The following SEPTIN6 variants were observed in gnomAD, a reference collection of about 807,000 sequenced individuals.
The protein encoded by SEPTIN6 is septin 6.
In SEPTIN6, 8 loss-of-function variants were observed where a neutral mutation model predicts 33.6. The observed-to-expected ratio is 0.24, with a 90% CI of 0.14 to 0.43. The LOEUF is 0.43. Ranked by LOEUF, SEPTIN6 falls within the 20% of genes least tolerant of loss-of-function variation. The pLI is 1.00. For synonymous variants in SEPTIN6, 131 were observed against 140.0 expected, an observed-to-expected ratio of 0.94 and a Z score of 0.45; for missense variants, 250 against 340.8, an observed-to-expected ratio of 0.73 and a Z score of 2.10.
intron 3 of SEPTIN6, among the ~76,000 whole-genome samples, chrX:119,653,431 C>T (rs1235421172): frequency 2.7e-5 from 3 of 112,559 alleles, no homozygotes; most frequent in Non-Finnish European, 5.6e-5. Context: ...CAAGGATTCT[C>T]TCAAATAGAT....
At chrX:119,639,422 T>C (rs1314947436) in intron 6 of SEPTIN6, among the ~76,000 whole-genome samples, 2 of 112,448 alleles carry the variant, frequency 1.8e-5, no homozygotes, top group African/African-American at 3.2e-5. Context: ...AGTTAACATA[T>C]GTCAGGCAGA....
chrX:119,627,776 C>G (rs1000234685), intron 9 of SEPTIN6, among the ~76,000 whole-genome samples: 49 of 106,183 alleles, frequency 4.6e-4, no homozygotes, highest in Non-Finnish European at 7.8e-4. Context: ...CTTCCACTAT[C>G]CTGTATCTGC....
rs763923345 is a variant in SEPTIN6, at chrX:119,650,155, C to T, written c.529-57G>A. 1.7e-5 allele frequency: 19 copies of T among 1,135,759 alleles called. 1 individual carries two copies. The highest frequency in any genetic ancestry group is 2.3e-5 in the Non-Finnish European group (19 of 834,969). 93.6% of individuals were successfully genotyped at this position (1,135,759 alleles called of 1,213,427 possible). On this transcript the variant is annotated intron_variant, in intron 4 of 10. Transcript: ENST00000394610. ...GTTGGTAACCTGCAACTGATAGCAG[C>T]ATGACCTAGGACTTCCACCAGCTGC...
chrX:119,665,742 C>G (rs2054624197), intron 2 of SEPTIN6, among the ~76,000 whole-genome samples: 1 of 110,814 alleles, frequency 9.0e-6, no homozygotes, highest in Non-Finnish European at 1.9e-5. Flanking sequence ...CTGTATTTGA[C>G]CCCTCAGCCC....
rs1248315329 is a variant in SEPTIN6, at chrX:119,618,634, T to C, written c.*1459A>G. ...CGGAACTCAAAAAGAAGAAGTGAGC[T>C]TGAAGTACATGGCAGGATAGGGGTG... On this transcript the variant is annotated 3_prime_UTR_variant, in exon 11 of 11. Transcript: ENST00000394610. 9.1e-6 allele frequency: 10 copies of C among 1,102,548 alleles called. No homozygotes were observed. In the African/African-American group the frequency reaches 1.9e-4, roughly 21 times the overall value. The allele number at this position is 1,102,548 out of a possible 1,213,427, so 90.9% of individuals were successfully genotyped here. A position where few individuals can be genotyped will look rare whatever the true frequency, so the allele number is the denominator to read the frequency against.
At chrX:119,689,577 C>G (rs2055122498) in intron 1 of SEPTIN6, among the ~76,000 whole-genome samples, 1 of 111,714 alleles carries the variant, frequency 9.0e-6, no homozygotes, top group Non-Finnish European at 1.9e-5. Context: ...AGTGCCGCCT[C>G]CCAGGTTCAC....
At chrX:119,628,205 C>A (rs1288166199) in intron 9 of SEPTIN6, among the ~76,000 whole-genome samples, 1 of 109,771 alleles carries the variant, frequency 9.1e-6, no homozygotes, top group East Asian at 2.8e-4. Flanking sequence ...TTACTGTAAC[C>A]TACACCTCCC....
intron 3 of SEPTIN6, among the ~76,000 whole-genome samples, chrX:119,661,430 CA>C (rs748459071): frequency 6.6e-5 from 7 of 106,138 alleles, no homozygotes; most frequent in African/African-American, 2.2e-4. Flanking sequence ...GACTCCGTCT[CA>C]AAAAAAATAA....
intron 5 of SEPTIN6, among the ~76,000 whole-genome samples, chrX:119,645,109 T>C (rs1445068302): frequency 1.8e-5 from 2 of 108,189 alleles, no homozygotes; most frequent in Non-Finnish European, 3.8e-5. Flanking sequence ...GATGTCGCCA[T>C]GTTGGCCAGG....
chrX:119,667,716 C>T (rs952521562), intron 2 of SEPTIN6, among the ~76,000 whole-genome samples: 6 of 110,043 alleles, frequency 5.5e-5, no homozygotes, highest in Admixed American at 9.7e-5. Flanking sequence ...GGGAGGCACA[C>T]GTGACCTAAC....
At chrX:119,679,186 C>G (rs2054903531) in intron 1 of SEPTIN6, among the ~76,000 whole-genome samples, 1 of 111,307 alleles carries the variant, frequency 9.0e-6, no homozygotes, top group African/African-American at 3.3e-5. Context: ...AGGTGATCCA[C>G]CCACCTTGGC....
chrX:119,629,299 A>C lies in SEPTIN6; in HGVS notation c.1280+19T>G, dbSNP rs1250692289. On this transcript the variant is annotated intron_variant, in intron 9 of 10. Coordinates refer to ENST00000394610, the MANE Select transcript of SEPTIN6 (RefSeq NM_145799.4). ...AGGAGGAAAGAGAAGGCACCACCCC[A>C]GAGCAGCCTGCTACTTACTTTTTCT... The C allele has an allele frequency of 8.3e-7, 1 of 1,204,539 alleles. No individual in the cohort carries two copies. The highest frequency in any genetic ancestry group is 2.2e-5 in the Admixed American group (1 of 45,839).
chrX:119,657,109 C>T (rs1400194046), intron 3 of SEPTIN6, among the ~76,000 whole-genome samples: 1 of 105,753 alleles, frequency 9.5e-6, no homozygotes, highest in Non-Finnish European at 1.9e-5. Flanking sequence ...GTCCCAGCTA[C>T]TCGGGAGGCT....
intron 2 of SEPTIN6, among the ~76,000 whole-genome samples, chrX:119,664,992 C>A (rs998473739): frequency 1.8e-5 from 2 of 110,657 alleles, no homozygotes; most frequent in African/African-American, 6.6e-5. Flanking sequence ...AGGCTCCTGG[C>A]TTATCCTCCC....
chrX:119,634,883 C>T (rs1218088946), intron 7 of SEPTIN6, among the ~76,000 whole-genome samples: 2 of 109,361 alleles, frequency 1.8e-5, no homozygotes, highest in Admixed American at 9.8e-5. Context: ...GTGGTGGGCG[C>T]CTGTAATCCC....
At chrX:119,620,115 AGTC>A in intron 10 of SEPTIN6, 64 bp from the exon 11 acceptor site, 2 of 744,674 alleles carry the variant, frequency 2.7e-6, no homozygotes, top group Non-Finnish European at 4.0e-6. Context: ...AAAAAAAAAA[AGTC>A]AGAAGAAAAT....
At chrX:119,650,607 T>C (rs1312660381) in intron 4 of SEPTIN6, among the ~76,000 whole-genome samples, 3 of 111,142 alleles carry the variant, frequency 2.7e-5, no homozygotes, top group Non-Finnish European at 5.7e-5. Flanking sequence ...AGAGGTGGCC[T>C]CTTCTTGCTA....
At chrX:119,686,655 G>A (rs2055061183) in intron 1 of SEPTIN6, 1 of 933,703 alleles carries the variant, frequency 1.1e-6, no homozygotes, top group Admixed American at 3.1e-5. Context: ...CCAAACTGAG[G>A]AGGAAGGGTC....
intron 5 of SEPTIN6, chrX:119,646,711 C>A (rs1402291590): frequency 4.6e-6 from 1 of 219,014 alleles, no homozygotes. Context: ...ACTCAGGCAA[C>A]AGATTTCTTC....
Sources: gnomAD v4.1 joint callset for allele counts (sites outside exome capture counted in the v4.1 genomes callset) on GRCh38, gnomAD v4.1.1 for gene constraint, MANE v1.5 for transcripts, NCBI Gene and HGNC (gene_info 2026-07-23, HGNC 2026-07-21) for gene names.